CAMK1D: variants seen among roughly 807,000 people sequenced by gnomAD.
CAMK1D encodes calcium/calmodulin dependent protein kinase ID.
CAMK1D carries 9 observed loss-of-function variants against 47.7 expected under a neutral mutation model. The observed-to-expected ratio is 0.19, with a 90% confidence interval of 0.11 to 0.33. The LOEUF (loss-of-function observed/expected upper bound fraction) is 0.33, where lower values mean the gene tolerates loss of function less well. CAMK1D is among the 10% of genes least tolerant of loss of function. The pLI is 1.00. For synonymous variants in CAMK1D, 184 were observed against 184.9 expected (o/e 0.99, Z 0.04); for missense variants, 291 against 488.7 (o/e 0.60, Z 3.81).
intron 9 of CAMK1D, among the ~76,000 whole-genome samples, chr10:12,825,015 A>G (rs1371093883): frequency 6.6e-6 from 1 of 152,160 alleles, no homozygotes; most frequent in Non-Finnish European, 1.5e-5. Flanking sequence ...TGTTCCAATC[A>G]GCAATGGCAA....
intron 3 of CAMK1D, among the ~76,000 whole-genome samples, chr10:12,681,929 GAGTT>G (rs1832456262): frequency 1.3e-5 from 2 of 152,232 alleles, no homozygotes; most frequent in African/African-American, 2.4e-5. Context: ...TGATGTATAA[GAGTT>G]AGTTGGCTGG....
intron 3 of CAMK1D, among the ~76,000 whole-genome samples, chr10:12,743,100 T>C (rs1020010838): frequency 5.9e-5 from 9 of 152,142 alleles, no homozygotes; most frequent in African/African-American, 2.2e-4. Context: ...CCCAGCACTT[T>C]GCGAGGCCGA....
intron 1 of CAMK1D, among the ~76,000 whole-genome samples, chr10:12,542,973 T>C (rs1836244759): frequency 6.6e-6 from 1 of 152,166 alleles, no homozygotes; most frequent in Non-Finnish European, 1.5e-5. Flanking sequence ...CTTGAACTCC[T>C]GACCTCAGGT....
intron 1 of CAMK1D, among the ~76,000 whole-genome samples, chr10:12,538,224 A>G (rs1836042255): frequency 6.6e-6 from 1 of 152,244 alleles, no homozygotes; most frequent in Admixed American, 6.5e-5. Context: ...GTAAAGAAAC[A>G]TGGTCCGTAT....
chr10:12,734,345 AATATATATATAT>A (rs1212612487), intron 3 of CAMK1D, among the ~76,000 whole-genome samples: 230 of 8,416 alleles, frequency 0.027, 14 homozygotes, highest in Admixed American at 0.06. Flanking sequence ...AAAAAAAAAA[AATATATATATAT>A]ATATATATAT....
chr10:12,456,952 T>C (rs1391219081), intron 1 of CAMK1D, among the ~76,000 whole-genome samples: 2 of 152,240 alleles, frequency 1.3e-5, no homozygotes, highest in East Asian at 3.9e-4. Flanking sequence ...TGAAATGACA[T>C]TTGCTCACAA....
chr10:12,468,423 C>CATGT (rs1833653994), intron 1 of CAMK1D, among the ~76,000 whole-genome samples: 1 of 152,166 alleles, frequency 6.6e-6, no homozygotes, highest in Non-Finnish European at 1.5e-5. Flanking sequence ...AAATAAAAGC[C>CATGT]ATGTTGTGGG....
chr10:12,686,561 T>C (rs1353463170), intron 3 of CAMK1D, among the ~76,000 whole-genome samples: 1 of 152,136 alleles, frequency 6.6e-6, no homozygotes, highest in Non-Finnish European at 1.5e-5. Context: ...TGACCTCAAA[T>C]GATCCACCCA....
chr10:12,731,745 T>C (rs1834894132), intron 3 of CAMK1D, among the ~76,000 whole-genome samples: 1 of 151,916 alleles, frequency 6.6e-6, no homozygotes. Flanking sequence ...GGATTGGAGG[T>C]CTCAATGGGA....
At chr10:12,363,389 G>A (rs1319770972) in intron 1 of CAMK1D, among the ~76,000 whole-genome samples, 1 of 151,434 alleles carries the variant, frequency 6.6e-6, no homozygotes, top group Non-Finnish European at 1.5e-5. Context: ...CAAGTAGCCG[G>A]GATTACAGGT....
At chr10:12,391,952 A>G (rs949224943) in intron 1 of CAMK1D, among the ~76,000 whole-genome samples, 2 of 148,878 alleles carry the variant, frequency 1.3e-5, no homozygotes, top group African/African-American at 2.5e-5. Flanking sequence ...TCCAGCCTGG[A>G]TAGCAGAGCG....
At chr10:12,451,379 A>AAG (rs905373765) in intron 1 of CAMK1D, among the ~76,000 whole-genome samples, 6 of 152,008 alleles carry the variant, frequency 3.9e-5, no homozygotes, top group African/African-American at 1.4e-4. Flanking sequence ...TGGGAGGAGG[A>AAG]AGAGGTAGGA....
intron 8 of CAMK1D, among the ~76,000 whole-genome samples, chr10:12,818,672 A>G (rs1308199693): frequency 2.8e-5 from 4 of 142,456 alleles, no homozygotes; most frequent in Non-Finnish European, 6.0e-5. Context: ...CTCTGTCCCA[A>G]AAAAAAAAAA....
At chr10:12,789,277 A>G (rs1161718555) in intron 5 of CAMK1D, among the ~76,000 whole-genome samples, 1 of 149,040 alleles carries the variant, frequency 6.7e-6, no homozygotes, top group Non-Finnish European at 1.5e-5. Flanking sequence ...GTGAGGCCCA[A>G]GACAATTCTT....
At chr10:12,570,540 C>T (rs1438329772) in intron 2 of CAMK1D, among the ~76,000 whole-genome samples, 4 of 150,110 alleles carry the variant, frequency 2.7e-5, no homozygotes, top group Non-Finnish European at 5.9e-5. Flanking sequence ...ATTAGCTGGG[C>T]GTGGTGGTGT....
intron 3 of CAMK1D, among the ~76,000 whole-genome samples, chr10:12,728,625 A>G (rs1317971160): frequency 1.3e-5 from 2 of 152,210 alleles, no homozygotes; most frequent in East Asian, 3.8e-4. Flanking sequence ...CATTTATCAT[A>G]AGGGGATAAT....
intron 2 of CAMK1D, among the ~76,000 whole-genome samples, chr10:12,629,832 G>A (rs924676883): frequency 6.6e-6 from 1 of 152,250 alleles, no homozygotes; most frequent in African/African-American, 2.4e-5. Context: ...AGACCTTCGA[G>A]TGGGTCCTGA....
intron 1 of CAMK1D, among the ~76,000 whole-genome samples, chr10:12,400,241 C>G (rs960121820): frequency 6.6e-6 from 1 of 152,030 alleles, no homozygotes; most frequent in Non-Finnish European, 1.5e-5. Context: ...GGAAGCAGTC[C>G]CCTAACAGAG....
intron 2 of CAMK1D, among the ~76,000 whole-genome samples, chr10:12,556,751 G>T (rs1836773720): frequency 6.6e-6 from 1 of 152,128 alleles, no homozygotes; most frequent in Admixed American, 6.6e-5. Context: ...GCCATCGGAG[G>T]GTTTTGATGA....
Sources: allele counts gnomAD v4.1 joint callset (sites outside exome capture counted in the v4.1 genomes callset), GRCh38; gene constraint gnomAD v4.1.1; transcripts MANE v1.5; gene names NCBI Gene and HGNC (gene_info 2026-07-23, HGNC 2026-07-21).